The following VAV2 variants were observed in gnomAD, a reference collection of about 807,000 sequenced individuals.
VAV2 encodes guanine nucleotide exchange factor VAV2.
In VAV2, 67 loss-of-function variants were observed where a neutral mutation model predicts 132.5. The ratio of observed to expected loss-of-function variants is 0.51; its 90% confidence interval spans 0.42 to 0.62. The LOEUF (loss-of-function observed/expected upper bound fraction) is 0.62, where lower values mean the gene tolerates loss of function less well. Ranked by LOEUF, VAV2 falls within the 20% of genes least tolerant of loss-of-function variation. The pLI is 0.00. For synonymous variants in VAV2, 492 were observed against 443.5 expected (o/e 1.11, Z -1.37); for missense variants, 938 against 1,153.6 (o/e 0.81, Z 2.71).
Position 133,857,628 on chromosome 9 carries a change from G to A in VAV2, c.380+3746C>T, listed in dbSNP as rs1408904944. ...TACAAAACGCTCGAAATGAAATAGT[G>A]TCTTGTGAAGTGCTGGTGGCTGCCC... is the stretch of plus-strand genomic sequence containing the variant. On this transcript the variant is annotated intron_variant, in intron 3 of 29. Coordinates refer to ENST00000371850, the MANE Select transcript of VAV2 (RefSeq NM_001134398.2). This position sits in a 1 kb window ranked among gnomAD's most constrained non-coding sequence, Gnocchi z 4.0. 6.6e-6 allele frequency among the ~76,000 whole-genome samples: 1 copy of A among 152,202 alleles called. No individual in the cohort carries two copies. Among genetic ancestry groups the A allele is most frequent in the Non-Finnish European group, 1.5e-5 (1 of 68,040 alleles).
chr9:133,834,235 C>A lies in VAV2; in HGVS notation c.449+37G>T. ...ACCACCAGGAACCTCCCTGCCCCTCCCTCCTCTCCATCCCTCCTCCCATCC... is the reference window on the plus strand; with the variant it reads ...ACCACCAGGAACCTCCCTGCCCCTCACTCCTCTCCATCCCTCCTCCCATCC... On this transcript the variant is annotated intron_variant, in intron 4 of 29. Transcript: ENST00000371850. The surrounding 1 kb of genome is among the most constrained non-coding windows in gnomAD (Gnocchi z 5.9). The A allele has an allele frequency of 6.3e-7, 1 of 1,586,300 alleles. No homozygotes were observed. Among genetic ancestry groups the A allele is most frequent in the South Asian group, 1.1e-5 (1 of 87,558 alleles).
intron 1 of VAV2, among the ~76,000 whole-genome samples, chr9:133,987,653 C>T (rs143003519): frequency 9.5e-4 from 145 of 152,300 alleles, no homozygotes; most frequent in African/African-American, 3.4e-3. Context: ...AGGAGGAGGC[C>T]ACCAGGACGA....
intron 1 of VAV2, among the ~76,000 whole-genome samples, chr9:133,975,732 G>C (rs752706815): frequency 6.6e-6 from 1 of 152,228 alleles, no homozygotes; most frequent in African/African-American, 2.4e-5. Flanking sequence ...GGGTCCAAGA[G>C]AGTGTTGAGC....
At chr9:133,972,013 T>G (rs2132259580) in intron 1 of VAV2, among the ~76,000 whole-genome samples, 1 of 152,276 alleles carries the variant, frequency 6.6e-6, no homozygotes, top group African/African-American at 2.4e-5. Flanking sequence ...AAGGGAAGTC[T>G]TCTGCCCCAG....
intron 1 of VAV2, among the ~76,000 whole-genome samples, chr9:133,950,828 C>T (rs1435031287): frequency 6.6e-6 from 1 of 152,132 alleles, no homozygotes; most frequent in African/African-American, 2.4e-5. Context: ...TCCATTTCTT[C>T]CCCCTTCCGG....
intron 2 of VAV2, among the ~76,000 whole-genome samples, chr9:133,873,786 C>G (rs1291454593): frequency 6.6e-6 from 1 of 152,218 alleles, no homozygotes; most frequent in Non-Finnish European, 1.5e-5. Flanking sequence ...TCCAAATTCT[C>G]CAATTTTGAG....
chr9:133,984,898 G>A (rs1842802396), intron 1 of VAV2, among the ~76,000 whole-genome samples: 1 of 142,914 alleles, frequency 7.0e-6, no homozygotes, highest in African/African-American at 2.5e-5. Flanking sequence ...ACAGAGGGAG[G>A]CCCTATCTCA....
intron 2 of VAV2, among the ~76,000 whole-genome samples, chr9:133,906,446 C>A (rs1839656412): frequency 6.6e-6 from 1 of 152,212 alleles, no homozygotes; most frequent in Admixed American, 6.5e-5. Context: ...CCCACTCGCC[C>A]CACTGACAGC....
At chr9:133,936,575 A>C (rs1486561847) in intron 2 of VAV2, among the ~76,000 whole-genome samples, 1 of 152,170 alleles carries the variant, frequency 6.6e-6, no homozygotes, top group Non-Finnish European at 1.5e-5. Flanking sequence ...AAAATAGTGG[A>C]GAGAAAAACA....
intron 2 of VAV2, among the ~76,000 whole-genome samples, chr9:133,921,023 T>C (rs1025579883): frequency 2.0e-5 from 3 of 152,114 alleles, no homozygotes; most frequent in African/African-American, 7.2e-5. Flanking sequence ...AATTAAAAAA[T>C]GAGAAAACCA....
chr9:133,899,472 G>C (rs1045192140), intron 2 of VAV2, among the ~76,000 whole-genome samples: 1 of 151,744 alleles, frequency 6.6e-6, no homozygotes, highest in Non-Finnish European at 1.5e-5. Flanking sequence ...CCTATAGCAC[G>C]ATCTGAGCTC....
At chr9:133,899,140 A>G (rs186817296) in intron 2 of VAV2, among the ~76,000 whole-genome samples, 112 of 151,662 alleles carry the variant, frequency 7.4e-4, no homozygotes, top group Non-Finnish European at 1.4e-3. Context: ...CCTCTTGATG[A>G]GAGGAATCAC....
chr9:133,800,505 G>A (rs1289148896), intron 9 of VAV2, among the ~76,000 whole-genome samples: 3 of 152,192 alleles, frequency 2.0e-5, no homozygotes, highest in Admixed American at 6.5e-5. Context: ...CACACTGCCT[G>A]ACTTCCCACC....
intron 1 of VAV2, among the ~76,000 whole-genome samples, chr9:133,985,998 CTGAG>C (rs1842846579): frequency 6.6e-6 from 1 of 151,718 alleles, no homozygotes; most frequent in Non-Finnish European, 1.5e-5. Context: ...GAAGAAAAGA[CTGAG>C]AGAGATGAGC....
chr9:133,820,415 C>T (rs573354153), intron 4 of VAV2, among the ~76,000 whole-genome samples: 41 of 151,920 alleles, frequency 2.7e-4, no homozygotes, highest in Non-Finnish European at 4.1e-4. Context: ...GCTCTGCCTC[C>T]GGGGTTCACG....
At chr9:133,773,405 T>C (rs2131576981) in intron 25 of VAV2, among the ~76,000 whole-genome samples, 1 of 152,344 alleles carries the variant, frequency 6.6e-6, no homozygotes, top group African/African-American at 2.4e-5. Context: ...TGAGTAAATG[T>C]GAAGGCCTAG....
chr9:133,953,297 G>A (rs557500), intron 1 of VAV2, among the ~76,000 whole-genome samples: 44,806 of 152,208 alleles, frequency 0.29, 6,978 homozygotes, highest in East Asian at 0.41. Context: ...TGCCCTTGGC[G>A]CTGTGCCCCC....
intron 2 of VAV2, among the ~76,000 whole-genome samples, chr9:133,889,289 C>T (rs1838836642): frequency 6.6e-6 from 1 of 152,286 alleles, no homozygotes; most frequent in Middle Eastern, 3.4e-3. Context: ...GGTGGGGGCT[C>T]ACGGGCACGA....
intron 9 of VAV2, among the ~76,000 whole-genome samples, chr9:133,805,081 C>T (rs1324996302): frequency 6.6e-6 from 1 of 152,170 alleles, no homozygotes; most frequent in African/African-American, 2.4e-5. Context: ...CTGGGCCTGT[C>T]CCCGGCTGCC....
Sources: gnomAD v4.1 joint callset for allele counts (sites outside exome capture counted in the v4.1 genomes callset) on GRCh38, gnomAD v4.1.1 for gene constraint, Gnocchi (gnomAD v3.1) non-coding constraint, MANE v1.5 for transcripts, NCBI Gene and HGNC (gene_info 2026-07-23, HGNC 2026-07-21) for gene names.